Variants in MPRIP observed in about 807,000 individuals in gnomAD.
The protein encoded by MPRIP is myosin phosphatase Rho interacting protein, also known as myosin phosphatase Rho-interacting protein.
Under a neutral mutation model 234.9 loss-of-function variants are expected in MPRIP, and 59 were observed. That is an observed-to-expected ratio of 0.25 (90% CI 0.20 to 0.31). The LOEUF (loss-of-function observed/expected upper bound fraction) is 0.31, where lower values mean the gene tolerates loss of function less well. MPRIP is among the 10% of genes least tolerant of loss of function. The pLI, the probability that MPRIP is intolerant of heterozygous loss-of-function variation, is 1.00. For missense variants in MPRIP, 2,436 were observed against 3,071.0 expected (o/e 0.79, Z 4.89); for synonymous variants, 1,144 against 1,263.9 (o/e 0.91, Z 2.01).
chr17:17,121,717 G>A (rs1426757030), intron 3 of MPRIP, among the ~76,000 whole-genome samples: 1 of 152,176 alleles, frequency 6.6e-6, no homozygotes, highest in African/African-American at 2.4e-5. Context: ...CATAGGTAAA[G>A]TTGTGTCATG....
intron 12 of MPRIP, 75 bp downstream of exon 12, chr17:17,150,308 T>G: frequency 8.7e-7 from 1 of 1,143,118 alleles, no homozygotes; most frequent in Non-Finnish European, 1.3e-6. Context: ...ATGTCTGGGC[T>G]GGGGGCACTT....
intron 11 of MPRIP, 146 bp downstream of exon 11, chr17:17,147,533 G>A: frequency 1.3e-6 from 1 of 746,670 alleles, no homozygotes; most frequent in Non-Finnish European, 2.3e-6. Flanking sequence ...CCGAAGGTAT[G>A]TCCATGTTGC....
chr17:17,047,792 G>A (rs769212421), intron 1 of MPRIP, among the ~76,000 whole-genome samples: 2 of 152,198 alleles, frequency 1.3e-5, no homozygotes, highest in African/African-American at 4.8e-5. Flanking sequence ...CCTTATGGAC[G>A]TAGAGGGAGG....
At chr17:17,182,915 C>CT (rs2144721132) in intron 23 of MPRIP, 1 of 152,492 alleles carries the variant, frequency 6.6e-6, no homozygotes, top group South Asian at 2.1e-4. Flanking sequence ...CTGAGTAGCA[C>CT]TTAGGCTCAG....
At position 17,164,015 on chromosome 17, in the gene MPRIP, A is replaced by G. The variant is rs912329534; in HGVS notation, c.2518-94A>G. 4.8e-6 allele frequency: 4 copies of G among 826,070 alleles called. No homozygotes were observed. The African/African-American group carries it at 5.4e-5, about 11-fold the overall frequency. The allele number at this position is 826,070 out of a possible 1,614,324, so 51.2% of individuals were successfully genotyped here. Reference sequence around the variant, plus strand: ...CAAAGGATAAAAGCCAAAGCCATCAAGGAGCTTTCTGTGGTTGTTCCTGGC... The same window carrying G: ...CAAAGGATAAAAGCCAAAGCCATCAGGGAGCTTTCTGTGGTTGTTCCTGGC... On this transcript the variant is annotated intron_variant, in intron 15 of 23. Coordinates refer to ENST00000651222, the MANE Select transcript of MPRIP (RefSeq NM_001364716.4).
chr17:17,142,890 C>G, intron 8 of MPRIP, 125 bp downstream of exon 8: 1 of 1,081,702 alleles, frequency 9.2e-7, no homozygotes, highest in Non-Finnish European at 1.3e-6. Context: ...CTCCAACCAC[C>G]TCCTCTGCAT....
rs774444493 is a variant in MPRIP, at chr17:17,137,927, A to G, written c.748A>G (p.Met250Val). 28 of 1,605,926 alleles carry G rather than the reference A, an allele frequency of 1.7e-5. No individual in the cohort carries two copies. The highest frequency in any genetic ancestry group is 7.8e-5 in the South Asian group (7 of 90,272). ...GLESKEEESA[M>V]SSDRMDCGRK... is the part of the protein sequence containing the mutation. ...ACTGTCTCTTCCAGAGGAGAGCGCC[A>G]TGAGTAGCGACCGCATGGACTGTGG... Residue 250 changes from methionine to valine, a missense_variant, in exon 7 of 24, where the codon ATG becomes GTG. Physicochemically the swap from Met to Val is conservative, Grantham distance 21. Around this residue, in one of 4 missense-constraint regions of MPRIP, gnomAD observed 267 missense variants for 252.7 expected, o/e 1.06. Coordinates refer to ENST00000651222, the MANE Select transcript of MPRIP (RefSeq NM_001364716.4).
At chr17:17,066,721 A>ACCT (rs2089036975) in intron 1 of MPRIP, among the ~76,000 whole-genome samples, 1 of 39,440 alleles carries the variant, frequency 2.5e-5, no homozygotes, top group Non-Finnish European at 7.6e-5. Flanking sequence ...TACTTTTTTC[A>ACCT]TCTTTTTTTT....
intron 23 of MPRIP, among the ~76,000 whole-genome samples, chr17:17,183,495 C>G (rs1235709530): frequency 6.6e-6 from 1 of 152,248 alleles, no homozygotes; most frequent in Non-Finnish European, 1.5e-5. Flanking sequence ...GGATTACAGG[C>G]GTGAGCCACC....
rs770423449 is a variant in MPRIP at position 17,158,730 on chromosome 17, C to T, written c.2128C>T (p.Arg710Cys). ...ERERARRREE[R>C]RKRFGMLDAT... The stretch of plus-strand genomic sequence containing the variant: ...GGAGCGTGCACGGAGGCGGGAGGAG[C>T]GCCGCAAGCGCTTCGGGATGCTCGA... Residue 710 changes from arginine (R) to cysteine (C), a missense_variant, in exon 14 of 24, where the codon CGC (arginine) becomes TGC (cysteine). Transcript: ENST00000651222. 33 of 1,610,450 alleles carry T rather than the reference C, an allele frequency of 2.0e-5. No individual in the cohort carries two copies. Among genetic ancestry groups the T allele is most frequent in the Non-Finnish European group, 2.5e-5 (30 of 1,179,712 alleles).
At chr17:17,144,637 C>G (rs1451604560) in intron 9 of MPRIP, among the ~76,000 whole-genome samples, 1 of 152,184 alleles carries the variant, frequency 6.6e-6, no homozygotes, top group Non-Finnish European at 1.5e-5. Flanking sequence ...GTGGGCAGAT[C>G]ACGAGGTCAA....
chr17:17,167,339 C>G lies in MPRIP; in HGVS notation c.5748C>G (p.Leu1916=), dbSNP rs913503367. 6 of 1,304,134 alleles carry G rather than the reference C, an allele frequency of 4.6e-6. No homozygotes were observed. The highest frequency in any genetic ancestry group is 6.1e-6 in the Non-Finnish European group (6 of 988,970). 80.8% of individuals were successfully genotyped at this position (1,304,134 alleles called of 1,614,324 possible). ...IAIVERENAE[L]KAKAAQLDHQ... is the part of the protein sequence containing the mutation. The stretch of plus-strand genomic sequence containing the variant: ...TTGTTGAAAGGGAGAATGCAGAGCT[C>G]AAGGCCAAGGCCGCCCAGCTAGACC... The change falls in exon 16 of 24, where the codon CTC becomes CTG. Residue 1916 remains leucine (L), a synonymous_variant. Transcript: ENST00000651222. The surrounding 1 kb of genome is among the most constrained non-coding windows in gnomAD (Gnocchi z 5.9).
Position 17,161,523 on chromosome 17 carries a change from T to TG in MPRIP, c.2517+174dup, listed in dbSNP as rs941794977. 4.6e-5 allele frequency among the ~76,000 whole-genome samples: 7 copies of TG among 152,268 alleles called. No individual in the cohort carries two copies. In the East Asian group the frequency reaches 7.7e-4, roughly 17 times the overall value. On this transcript the variant is annotated intron_variant, in intron 15 of 23. Coordinates refer to ENST00000651222, the MANE Select transcript of MPRIP (RefSeq NM_001364716.4). ...CACAGGACTGGACACTCAATGTGCT[T>TG]GGGGGGGTCTGTTTGTTTTTCCCTC...
chr17:17,190,308 G>A lies in MPRIP; in HGVS notation c.*5414G>A, dbSNP rs2046562040. On this transcript the variant is annotated 3_prime_UTR_variant, in exon 24 of 24. Coordinates refer to ENST00000651222, the MANE Select transcript of MPRIP (RefSeq NM_001364716.4). The stretch of plus-strand genomic sequence containing the variant: ...CGTTCTGAGATGGCCGTTCTTCCTT[G>A]CACAGCAGCTACGGCAGGTTGTTCT... The A allele has an allele frequency of 1.3e-5, 2 of 152,266 alleles. No individual in the cohort carries two copies. Among genetic ancestry groups the A allele is most frequent in the African/African-American group, 4.8e-5 (2 of 41,464 alleles). The allele number at this position is 152,266 out of a possible 1,614,324, so 9.4% of individuals were successfully genotyped here. A position where few individuals can be genotyped will look rare whatever the true frequency, so the allele number is the denominator to read the frequency against.
At chr17:17,071,454 C>T (rs997718571) in intron 1 of MPRIP, among the ~76,000 whole-genome samples, 2 of 152,158 alleles carry the variant, frequency 1.3e-5, no homozygotes, top group African/African-American at 4.8e-5. Flanking sequence ...GTCCCTGGCC[C>T]ACTTACCTTT....
intron 3 of MPRIP, among the ~76,000 whole-genome samples, chr17:17,100,030 C>T (rs1456421094): frequency 6.6e-6 from 1 of 152,188 alleles, no homozygotes; most frequent in Non-Finnish European, 1.5e-5. Flanking sequence ...TGGTCTCCTC[C>T]TGGGATGGCG....
At chr17:17,155,297 G>A (rs970352803) in intron 13 of MPRIP, among the ~76,000 whole-genome samples, 13 of 151,712 alleles carry the variant, frequency 8.6e-5, no homozygotes, top group African/African-American at 3.1e-4. Context: ...CTGTTGCCTA[G>A]GCTAGAGTGC....
chr17:17,075,793 G>C lies in MPRIP; in HGVS notation c.201+6G>C. ...ACCCAGTGCACCGGTCTCGGGTAAG[G>C]GCATCAGAGCCAACTCTCAGGGAGG... On this transcript the variant is annotated splice_donor_region_variant and intron_variant, in intron 2 of 23. Transcript: ENST00000651222. 2 of 1,613,976 alleles carry C rather than the reference G, an allele frequency of 1.2e-6. No homozygotes were observed. The highest frequency in any genetic ancestry group is 1.7e-6 in the Non-Finnish European group (2 of 1,179,914).
In MPRIP at chr17:17,164,388, C is replaced by T. The variant is rs569143815; in HGVS notation, c.2797C>T (p.Arg933Trp). 2.1e-5 allele frequency: 27 copies of T among 1,290,858 alleles called. No individual in the cohort carries two copies. Among genetic ancestry groups the T allele is most frequent in the South Asian group, 2.5e-5 (2 of 80,808 alleles). The allele number at this position is 1,290,858 out of a possible 1,614,324, so 80.0% of individuals were successfully genotyped here. Residue 933 changes from arginine to tryptophan, a missense_variant, in exon 16 of 24, where the codon CGG becomes TGG. Transcript: ENST00000651222. The part of the protein sequence containing the change: ...LKGDLKREQG[R>W]VREQLEERQH... ...GGGCGACCTGAAGCGGGAGCAGGGC[C>T]GGGTCCGCGAGCAGCTGGAGGAGCG...
Sources: allele counts gnomAD v4.1 joint callset (sites outside exome capture counted in the v4.1 genomes callset), GRCh38; gene constraint gnomAD v4.1.1; regional missense constraint gnomAD v4.1.1; non-coding constraint Gnocchi (gnomAD v3.1); transcripts MANE v1.5; gene names NCBI Gene and HGNC (gene_info 2026-07-23, HGNC 2026-07-21).